The following KCNH8 variants were observed in gnomAD, a reference collection of about 807,000 sequenced individuals.
KCNH8 encodes the protein potassium voltage-gated channel subfamily H member 8.
In KCNH8, 70 loss-of-function variants were observed where a neutral mutation model predicts 103.6. The ratio of observed to expected loss-of-function variants is 0.68; its 90% CI spans 0.56 to 0.82. KCNH8 has a LOEUF of 0.82. Ranked by LOEUF, KCNH8 falls within the 40% of genes least tolerant of loss-of-function variation. KCNH8 has a pLI of 0.00. For synonymous variants in KCNH8, 498 were observed against 489.4 expected (o/e 1.02, Z -0.23); for missense variants, 1,217 against 1,329.9 (o/e 0.92, Z 1.32).
At chr3:19,448,489 C>T (rs983467133) in intron 8 of KCNH8, among the ~76,000 whole-genome samples, 1 of 151,750 alleles carries the variant, frequency 6.6e-6, no homozygotes, top group Non-Finnish European at 1.5e-5. Context: ...TTATGTATTA[C>T]CTAGGAAATA....
Position 19,152,941 on chromosome 3 carries a change from GA to G in KCNH8, c.76+4156del, listed in dbSNP as rs1057492800. Among the ~76,000 whole-genome samples, 260 of 138,948 alleles carry G rather than the reference GA, an allele frequency of 1.9e-3. 2 individuals carry two copies. Among genetic ancestry groups the G allele is most frequent in the African/African-American group, 6.4e-3 (241 of 37,852 alleles). The allele number at this position is 138,948 out of a possible 152,430, so 91.2% of individuals were successfully genotyped here. On this transcript the variant is annotated intron_variant, in intron 1 of 15. Coordinates refer to ENST00000328405, the MANE Select transcript of KCNH8 (RefSeq NM_144633.3). ...ACAGAGTGAGACTCTGTCTTAAAAA[GA>G]AAAAAAAAAGAAAAAAGAAAAGAAA... is the stretch of plus-strand genomic sequence containing the variant.
At chr3:19,353,975 T>C (rs906641136) in intron 5 of KCNH8, among the ~76,000 whole-genome samples, 9 of 152,228 alleles carry the variant, frequency 5.9e-5, no homozygotes, top group Non-Finnish European at 1.2e-4. Context: ...GATTGTATAC[T>C]TAGAAAACCC....
At chr3:19,391,170 A>C (rs1213918685) in intron 6 of KCNH8, among the ~76,000 whole-genome samples, 5 of 152,124 alleles carry the variant, frequency 3.3e-5, no homozygotes, top group Non-Finnish European at 7.4e-5. Flanking sequence ...TGGATGTAGC[A>C]AAAATCTAAA....
intron 3 of KCNH8, among the ~76,000 whole-genome samples, chr3:19,286,843 G>A (rs573009322): frequency 2.6e-5 from 4 of 152,270 alleles, no homozygotes; most frequent in East Asian, 1.9e-4. Flanking sequence ...GGTTGAATCC[G>A]TGGATGTGGA....
At chr3:19,233,450 G>C (rs2064020448) in intron 1 of KCNH8, among the ~76,000 whole-genome samples, 1 of 152,118 alleles carries the variant, frequency 6.6e-6, no homozygotes, top group Admixed American at 6.5e-5. Context: ...AAGAAAAGAA[G>C]ATAGGAAGGA....
At chr3:19,152,396 A>G (rs944039009) in intron 1 of KCNH8, among the ~76,000 whole-genome samples, 1 of 152,190 alleles carries the variant, frequency 6.6e-6, no homozygotes, top group Non-Finnish European at 1.5e-5. Context: ...GGAAGTATCC[A>G]TTTTCAAACA....
intron 3 of KCNH8, among the ~76,000 whole-genome samples, chr3:19,283,718 C>A (rs888368143): frequency 1.3e-5 from 2 of 151,334 alleles, no homozygotes; most frequent in Admixed American, 1.3e-4. Context: ...GAGTTTGATA[C>A]CAACTCGAGC....
At chr3:19,217,562 TATTA>T (rs1254777912) in intron 1 of KCNH8, among the ~76,000 whole-genome samples, 2 of 152,210 alleles carry the variant, frequency 1.3e-5, no homozygotes, top group Non-Finnish European at 2.9e-5. Context: ...CTATTATAAA[TATTA>T]ATTAACATAA....
chr3:19,395,797 A>G (rs1018132754), intron 7 of KCNH8, among the ~76,000 whole-genome samples: 2 of 152,018 alleles, frequency 1.3e-5, no homozygotes, highest in African/African-American at 4.8e-5. Context: ...AAACAAAATA[A>G]CACATTCTCC....
intron 5 of KCNH8, among the ~76,000 whole-genome samples, chr3:19,352,829 G>A (rs376904944): frequency 9.9e-5 from 15 of 152,110 alleles, no homozygotes; most frequent in African/African-American, 3.4e-4. Context: ...AAGAACTAGA[G>A]AAGCAAGAGC....
chr3:19,447,058 C>T (rs139592572), intron 8 of KCNH8, among the ~76,000 whole-genome samples: 3 of 152,108 alleles, frequency 2.0e-5, no homozygotes, highest in Non-Finnish European at 4.4e-5. Context: ...GAATTATATA[C>T]ATCAAATTTG....
intron 1 of KCNH8, among the ~76,000 whole-genome samples, chr3:19,160,458 C>A (rs1478527526): frequency 6.6e-6 from 1 of 152,072 alleles, no homozygotes; most frequent in Non-Finnish European, 1.5e-5. Context: ...AGATTTAGAA[C>A]AACATCCTCA....
intron 1 of KCNH8, 109 bp downstream of exon 1, chr3:19,148,904 TTC>T (rs1176952161): frequency 1.2e-5 from 12 of 993,166 alleles, no homozygotes; most frequent in Admixed American, 1.1e-4. Context: ...GTGAATTTTC[TTC>T]TGTTCTTGCC....
chr3:19,181,056 C>CAA (rs2063448296), intron 1 of KCNH8, among the ~76,000 whole-genome samples: 1 of 152,232 alleles, frequency 6.6e-6, no homozygotes, highest in South Asian at 2.1e-4. Flanking sequence ...AGAGGATTAA[C>CAA]ATTTTTATGA....
intron 7 of KCNH8, among the ~76,000 whole-genome samples, chr3:19,434,352 G>GT (rs11443388): frequency 1.0e-3 from 155 of 152,292 alleles, no homozygotes; most frequent in African/African-American, 3.6e-3. Flanking sequence ...ATTTGTAGCA[G>GT]TAACAAATAC....
chr3:19,194,649 G>C (rs2063583824), intron 1 of KCNH8, among the ~76,000 whole-genome samples: 1 of 151,686 alleles, frequency 6.6e-6, no homozygotes, highest in Non-Finnish European at 1.5e-5. Context: ...TAAGGAGGGG[G>C]TAGGGGTTGA....
At chr3:19,360,437 C>T (rs772443048) in intron 5 of KCNH8, among the ~76,000 whole-genome samples, 1 of 151,942 alleles carries the variant, frequency 6.6e-6, no homozygotes, top group African/African-American at 2.4e-5. Context: ...TAAAAGTTAT[C>T]GTTAACACAA....
chr3:19,301,592 A>G (rs1455983469), intron 3 of KCNH8, among the ~76,000 whole-genome samples: 1 of 152,104 alleles, frequency 6.6e-6, no homozygotes, highest in African/African-American at 2.4e-5. Context: ...TTTCGACATC[A>G]AGCAATTCTC....
At chr3:19,264,622 T>G (rs1452303213) in intron 2 of KCNH8, among the ~76,000 whole-genome samples, 1 of 152,118 alleles carries the variant, frequency 6.6e-6, no homozygotes, top group African/African-American at 2.4e-5. Context: ...TCAGTGATAC[T>G]GCCTAACTAG....
Sources: gnomAD v4.1 joint callset for allele counts (sites outside exome capture counted in the v4.1 genomes callset) on GRCh38, gnomAD v4.1.1 for gene constraint, MANE v1.5 for transcripts, NCBI Gene and HGNC (gene_info 2026-07-23, HGNC 2026-07-21) for gene names.